The following CAMK2D variants were observed in gnomAD, a reference collection of about 807,000 sequenced individuals.
CAMK2D encodes calcium/calmodulin dependent protein kinase II delta.
Under a neutral mutation model 84.0 loss-of-function variants are expected in CAMK2D, and 37 were observed. The observed-to-expected ratio is 0.44, with a 90% confidence interval of 0.34 to 0.58. CAMK2D has a LOEUF of 0.58. Among genes scored for constraint, CAMK2D ranks in the 20% least tolerant of loss-of-function variants. The pLI is 0.02. For synonymous variants in CAMK2D, 202 were observed against 212.5 expected (o/e 0.95, Z 0.43); for missense variants, 448 against 652.5 (o/e 0.69, Z 3.41).
chr4:113,597,348 C>A (rs1224924914), intron 4 of CAMK2D, among the ~76,000 whole-genome samples: 1 of 152,214 alleles, frequency 6.6e-6, no homozygotes, highest in African/African-American at 2.4e-5. Context: ...TTAGCTAGAT[C>A]TTCTGGATAA....
rs1175837869 is a variant in CAMK2D, at chr4:113,454,323, C to T, written c.*222G>A. ...TAATTTAAGTTTGTGTGGAACATCC[C>T]CGTAGTTGAAGTGTAAACAATGTAT... On this transcript the variant is annotated 3_prime_UTR_variant, in exon 21 of 21. Transcript: ENST00000511664. 1 of 407,726 alleles carries T rather than the reference C, an allele frequency of 2.5e-6. No individual in the cohort carries two copies. Among genetic ancestry groups the T allele is most frequent in the African/African-American group, 2.1e-5 (1 of 48,474 alleles). 25.3% of individuals were successfully genotyped at this position (407,726 alleles called of 1,614,324 possible).
chr4:113,599,921 C>T (rs533567698), intron 4 of CAMK2D, among the ~76,000 whole-genome samples: 5 of 152,036 alleles, frequency 3.3e-5, no homozygotes, highest in Admixed American at 6.6e-5. Context: ...AGAAGTTGGT[C>T]TTGCTGTCTC....
intron 13 of CAMK2D, among the ~76,000 whole-genome samples, chr4:113,505,610 T>G (rs1200604564): frequency 6.7e-6 from 1 of 149,328 alleles, no homozygotes; most frequent in Non-Finnish European, 1.5e-5. Context: ...TCTTCAATTA[T>G]TAGTGGGGAA....
At chr4:113,678,294 G>C (rs1440115190) in intron 2 of CAMK2D, among the ~76,000 whole-genome samples, 1 of 152,062 alleles carries the variant, frequency 6.6e-6, no homozygotes, top group Non-Finnish European at 1.5e-5. Context: ...CTGGGCAATG[G>C]ACCTAACCTT....
At chr4:113,754,287 C>T (rs933027813) in intron 2 of CAMK2D, 3 of 975,366 alleles carry the variant, frequency 3.1e-6, no homozygotes, top group African/African-American at 1.8e-5. Flanking sequence ...AAAAAATATA[C>T]CAATCCAGCC....
At chr4:113,564,616 A>G (rs1024469993) in intron 4 of CAMK2D, among the ~76,000 whole-genome samples, 1 of 152,184 alleles carries the variant, frequency 6.6e-6, no homozygotes, top group Non-Finnish European at 1.5e-5. Flanking sequence ...TGAACCTAAC[A>G]TGAGCCTAAC....
intron 4 of CAMK2D, among the ~76,000 whole-genome samples, chr4:113,593,442 T>A (rs545501983): frequency 6.6e-6 from 1 of 152,262 alleles, no homozygotes; most frequent in South Asian, 2.1e-4. Flanking sequence ...ACATAAACTT[T>A]TAACTGATGA....
intron 7 of CAMK2D, among the ~76,000 whole-genome samples, chr4:113,534,297 T>C (rs76491845): frequency 0.028 from 4,293 of 152,034 alleles, 162 homozygotes; most frequent in African/African-American, 0.098. Flanking sequence ...TCTCCTTTTT[T>C]CTCAGATTAC....
intron 4 of CAMK2D, among the ~76,000 whole-genome samples, chr4:113,557,925 T>G (rs1282044125): frequency 1.3e-5 from 2 of 152,212 alleles, no homozygotes; most frequent in Non-Finnish European, 2.9e-5. Flanking sequence ...AATAGTCTAC[T>G]CAGATAGATT....
Position 113,609,166 on chromosome 4 carries a change from G to A in CAMK2D, c.261C>T (p.Tyr87=). 1.3e-6 allele frequency: 2 copies of A among 1,577,706 alleles called. No homozygotes were observed. Among genetic ancestry groups the A allele is most frequent in the Non-Finnish European group, 1.7e-6 (2 of 1,147,058 alleles). The stretch of plus-strand genomic sequence containing the variant: ...TATATACTTACAAATCAAACACCAA[G>A]TAGTGAAAGCCCTCTTCTGATATGC... ...HDSISEEGFH[Y]LVFDLVTGGE... The change falls in exon 4 of 21, where the codon TAC becomes TAT. Residue 87 remains tyrosine (Y), a synonymous_variant. Coordinates refer to ENST00000511664, the MANE Select transcript of CAMK2D (RefSeq NM_001321571.2).
chr4:113,557,373 T>C (rs891506328), intron 4 of CAMK2D, among the ~76,000 whole-genome samples: 4 of 152,208 alleles, frequency 2.6e-5, no homozygotes, highest in African/African-American at 4.8e-5. Context: ...TATCTTCCAA[T>C]TGAGGCCCTC....
chr4:113,537,494 C>G, intron 6 of CAMK2D, 51 bp from the exon 7 acceptor site: 1 of 1,112,484 alleles, frequency 9.0e-7, no homozygotes, highest in Non-Finnish European at 1.4e-6. Flanking sequence ...CTATTTTAAG[C>G]GACTATTCAA....
chr4:113,563,164 C>T (rs867038254), intron 4 of CAMK2D, among the ~76,000 whole-genome samples: 15 of 152,030 alleles, frequency 9.9e-5, no homozygotes, highest in African/African-American at 3.6e-4. Flanking sequence ...TGAGGCAGGA[C>T]AATTGCTTGA....
intron 8 of CAMK2D, among the ~76,000 whole-genome samples, chr4:113,530,193 T>C (rs2098448636): frequency 6.6e-6 from 1 of 152,210 alleles, no homozygotes; most frequent in Non-Finnish European, 1.5e-5. Context: ...TTTTCAGATT[T>C]TGTAGTATTT....
rs906710887 is a variant in CAMK2D at position 113,733,247 on chromosome 4, T to C, written c.160+26073A>G. Among the ~76,000 whole-genome samples the C allele has an allele frequency of 5.9e-5, 9 of 152,366 alleles. No individual in the cohort carries two copies. In the East Asian group the frequency reaches 9.6e-4, roughly 16 times the overall value. Reference sequence around the variant, plus strand: ...CTGAAATGATTTCAAAAGAAATCTTTTGAATACTTTCCTATGTTCCTGTAA... The same window carrying C: ...CTGAAATGATTTCAAAAGAAATCTTCTGAATACTTTCCTATGTTCCTGTAA... On this transcript the variant is annotated intron_variant, in intron 2 of 20. Coordinates refer to ENST00000511664, the MANE Select transcript of CAMK2D (RefSeq NM_001321571.2).
intron 3 of CAMK2D, among the ~76,000 whole-genome samples, chr4:113,611,684 C>T (rs7680246): frequency 0.062 from 9,475 of 152,214 alleles, 525 homozygotes; most frequent in East Asian, 0.2. Flanking sequence ...CTAATTAATA[C>T]TAAATATCAT....
At chr4:113,604,735 T>C (rs1454279450) in intron 4 of CAMK2D, among the ~76,000 whole-genome samples, 2 of 152,232 alleles carry the variant, frequency 1.3e-5, no homozygotes, top group Non-Finnish European at 1.5e-5. Context: ...TCTGTTTCCA[T>C]GTGAACTGCT....
intron 4 of CAMK2D, among the ~76,000 whole-genome samples, chr4:113,573,459 C>T (rs747665639): frequency 7.9e-5 from 12 of 152,314 alleles, no homozygotes; most frequent in Non-Finnish European, 1.2e-4. Flanking sequence ...ACCATTTCTT[C>T]GACTAAACTC....
At chr4:113,588,163 C>A (rs1443291462) in intron 4 of CAMK2D, among the ~76,000 whole-genome samples, 1 of 151,722 alleles carries the variant, frequency 6.6e-6, no homozygotes, top group Non-Finnish European at 1.5e-5. Context: ...GTCTTGGCAC[C>A]TTGTGGGTTT....
Sources: allele counts gnomAD v4.1 joint callset (sites outside exome capture counted in the v4.1 genomes callset), GRCh38; gene constraint gnomAD v4.1.1; transcripts MANE v1.5; gene names NCBI Gene and HGNC (gene_info 2026-07-23, HGNC 2026-07-21).